Variants in GRIA1 observed in about 807,000 individuals in gnomAD.
GRIA1 encodes glutamate receptor 1.
GRIA1 carries 31 observed loss-of-function variants against 99.2 expected under a neutral mutation model. The observed-to-expected ratio is 0.31, with a 90% CI of 0.23 to 0.42. The LOEUF (loss-of-function observed/expected upper bound fraction) is 0.42, where lower values mean the gene tolerates loss of function less well. GRIA1 is among the 10% of genes least tolerant of loss of function. The pLI is 1.00. For synonymous variants in GRIA1, 438 were observed against 432.4 expected, an observed-to-expected ratio of 1.01 and a Z score of -0.16; for missense variants, 782 against 1,157.5, an observed-to-expected ratio of 0.68 and a Z score of 4.71.
At chr5:153,803,052 G>A (rs941762934) in intron 15 of GRIA1, among the ~76,000 whole-genome samples, 3 of 152,178 alleles carry the variant, frequency 2.0e-5, no homozygotes, top group African/African-American at 7.2e-5. Context: ...GGATTTAAGA[G>A]CTGTCTGTAA....
intron 2 of GRIA1, among the ~76,000 whole-genome samples, chr5:153,597,935 C>A (rs1013046690): frequency 6.6e-6 from 1 of 151,958 alleles, no homozygotes. Context: ...TTGCTTGAGC[C>A]TAGGAGGTCA....
intron 7 of GRIA1, among the ~76,000 whole-genome samples, chr5:153,677,426 T>C (rs1756669162): frequency 6.6e-6 from 1 of 152,230 alleles, no homozygotes; most frequent in Non-Finnish European, 1.5e-5. Context: ...GGTGATTTTC[T>C]GTGTATGGGA....
chr5:153,597,260 G>T (rs928808833), intron 2 of GRIA1, among the ~76,000 whole-genome samples: 14 of 152,162 alleles, frequency 9.2e-5, no homozygotes, highest in Non-Finnish European at 5.9e-5. Flanking sequence ...TACGTTCAGG[G>T]ACTACCTGAA....
chr5:153,760,845 G>C (rs1763135298), intron 11 of GRIA1, among the ~76,000 whole-genome samples: 2 of 151,824 alleles, frequency 1.3e-5, no homozygotes, highest in African/African-American at 4.8e-5. Context: ...CAGACTAATG[G>C]AACAAAATAG....
chr5:153,544,695 A>C (rs190584282), intron 2 of GRIA1, among the ~76,000 whole-genome samples: 1 of 152,304 alleles, frequency 6.6e-6, no homozygotes, highest in African/African-American at 2.4e-5. Context: ...CAAAGGCAGG[A>C]TATCTGGAAA....
At chr5:153,644,177 A>G (rs1216585103) in intron 2 of GRIA1, among the ~76,000 whole-genome samples, 1 of 152,212 alleles carries the variant, frequency 6.6e-6, no homozygotes, top group African/African-American at 2.4e-5. Flanking sequence ...TATATTTAAC[A>G]TTGGGAGAAT....
intron 11 of GRIA1, among the ~76,000 whole-genome samples, chr5:153,751,202 C>T (rs1380763415): frequency 6.6e-6 from 1 of 152,220 alleles, no homozygotes; most frequent in Admixed American, 6.5e-5. Flanking sequence ...TTCATCTGAA[C>T]CCTGAGCCCA....
At chr5:153,507,053 G>A (rs1225309399) in intron 2 of GRIA1, among the ~76,000 whole-genome samples, 1 of 152,164 alleles carries the variant, frequency 6.6e-6, no homozygotes, top group African/African-American at 2.4e-5. Flanking sequence ...AATATGGGAG[G>A]TGGAGGTTGC....
chr5:153,723,575 C>A (rs531495013), intron 11 of GRIA1, among the ~76,000 whole-genome samples: 1 of 152,194 alleles, frequency 6.6e-6, no homozygotes, highest in Admixed American at 6.5e-5. Context: ...TAAAAAACGG[C>A]GCACCAGGAG....
intron 2 of GRIA1, among the ~76,000 whole-genome samples, chr5:153,506,271 G>T (rs1755481553): frequency 6.6e-6 from 1 of 151,234 alleles, no homozygotes; most frequent in Non-Finnish European, 1.5e-5. Context: ...TCTTGGCTTG[G>T]CTCCAGAATA....
chr5:153,704,592 A>T (rs1758759156), intron 10 of GRIA1, among the ~76,000 whole-genome samples: 2 of 152,328 alleles, frequency 1.3e-5, no homozygotes, highest in Non-Finnish European at 2.9e-5. Flanking sequence ...TGTATTTCTT[A>T]GACTTCTTCC....
intron 15 of GRIA1, among the ~76,000 whole-genome samples, chr5:153,807,238 C>G (rs1766492863): frequency 6.6e-6 from 1 of 152,196 alleles, no homozygotes; most frequent in African/African-American, 2.4e-5. Flanking sequence ...CAAAGACATA[C>G]TGAGCACCAC....
intron 14 of GRIA1, among the ~76,000 whole-genome samples, chr5:153,800,817 G>T (rs956769818): frequency 6.6e-6 from 1 of 152,190 alleles, no homozygotes; most frequent in East Asian, 1.9e-4. Context: ...CATATGCCCC[G>T]ATTCTAATAG....
intron 11 of GRIA1, among the ~76,000 whole-genome samples, chr5:153,751,091 ACT>A (rs1260254114): frequency 6.6e-6 from 1 of 152,102 alleles, no homozygotes; most frequent in East Asian, 1.9e-4. Context: ...CAAGAGCGAG[ACT>A]CTGTCAAAAA....
chr5:153,519,513 C>T (rs570886139), intron 2 of GRIA1, among the ~76,000 whole-genome samples: 9 of 151,422 alleles, frequency 5.9e-5, no homozygotes, highest in African/African-American at 2.2e-4. Flanking sequence ...GTGTAGATTG[C>T]TCTCAATCCA....
At chr5:153,517,863 T>C (rs1246261830) in intron 2 of GRIA1, among the ~76,000 whole-genome samples, 1 of 152,192 alleles carries the variant, frequency 6.6e-6, no homozygotes, top group Non-Finnish European at 1.5e-5. Flanking sequence ...AGCTGAACAT[T>C]CCATTCCTCT....
chr5:153,582,003 G>A (rs1000358067), intron 2 of GRIA1, among the ~76,000 whole-genome samples: 3 of 152,024 alleles, frequency 2.0e-5, no homozygotes, highest in African/African-American at 4.8e-5. Context: ...TGTGATCTAC[G>A]TGCCTCAACC....
intron 11 of GRIA1, among the ~76,000 whole-genome samples, chr5:153,708,892 A>G (rs1450678387): frequency 6.6e-6 from 1 of 152,236 alleles, no homozygotes; most frequent in Non-Finnish European, 1.5e-5. Context: ...TGCCAAAGGA[A>G]GTTAGAACTT....
rs555057252 is a variant in GRIA1, at chr5:153,560,196, G to A, written c.220+66131G>A. On this transcript the variant is annotated intron_variant, in intron 2 of 15. Transcript: ENST00000285900. ...GGTGGTCATGAAATAAAGGATGTAG[G>A]AACAGTGTGCCAAGAGTTCTGTTGG... 2.0e-5 allele frequency among the ~76,000 whole-genome samples: 3 copies of A among 152,250 alleles called. No individual in the cohort carries two copies. In the South Asian group the frequency reaches 6.2e-4, roughly 32 times the overall value.
Sources: gnomAD v4.1 joint callset for allele counts (sites outside exome capture counted in the v4.1 genomes callset) on GRCh38, gnomAD v4.1.1 for gene constraint, MANE v1.5 for transcripts, NCBI Gene and HGNC (gene_info 2026-07-23, HGNC 2026-07-21) for gene names.